EBF4: variants seen among roughly 807,000 people sequenced by gnomAD.
The protein encoded by EBF4 is transcription factor COE4.
A neutral mutation model predicts 67.1 loss-of-function variants in EBF4; 34 were observed. The ratio of observed to expected loss-of-function variants is 0.51; its 90% confidence interval spans 0.39 to 0.67. The LOEUF (loss-of-function observed/expected upper bound fraction) is 0.67, where lower values mean the gene tolerates loss of function less well. Ranked by LOEUF, EBF4 falls within the 30% of genes least tolerant of loss-of-function variation. The pLI is 0.00. For synonymous variants in EBF4, 387 were observed against 377.7 expected (o/e 1.02, Z -0.29); for missense variants, 837 against 873.3 (o/e 0.96, Z 0.52).
chr20:2,724,051 A>G (rs2087718578), intron 6 of EBF4, among the ~76,000 whole-genome samples: 1 of 152,186 alleles, frequency 6.6e-6, no homozygotes, highest in South Asian at 2.1e-4. Context: ...TTCCTGACTA[A>G]TATTACAGTT....
rs888649050 is a variant in EBF4, at chr20:2,755,667, G to A, written c.1581G>A (p.Met527Ile). ...CCCCGCTGGCGGCTGCCTCCTCCAT[G>A]TCCCTCCCGGCCGCTGCCCCCACCA... Residue 527 changes from methionine (M) to isoleucine (I), a missense_variant, in exon 15 of 17, where the codon ATG becomes ATA. Coordinates refer to ENST00000609451, the Ensembl canonical transcript of EBF4. This position sits in a 1 kb window ranked among gnomAD's most constrained non-coding sequence, Gnocchi z 4.7. 29 of 1,526,706 alleles carry A rather than the reference G, an allele frequency of 1.9e-5. No individual in the cohort carries two copies. The African/African-American group carries it at 3.9e-4, about 20-fold the overall frequency. 94.6% of individuals were successfully genotyped at this position (1,526,706 alleles called of 1,614,324 possible). A position where few individuals can be genotyped will look rare whatever the true frequency, so the allele number is the denominator to read the frequency against.
At chr20:2,749,955 G>A (rs1331352069) in exon 10 of EBF4, 6 of 1,551,006 alleles carry the variant, frequency 3.9e-6, no homozygotes, top group Non-Finnish European at 5.2e-6. Context: ...GGGATGCCCC[G>A]GCCGCTTTGT....
chr20:2,711,555 C>G (rs2087545520), intron 6 of EBF4, among the ~76,000 whole-genome samples: 1 of 152,204 alleles, frequency 6.6e-6, no homozygotes, highest in African/African-American at 2.4e-5. Context: ...GTTATACCAA[C>G]AGCATTGAAA....
intron 1 of EBF4, among the ~76,000 whole-genome samples, chr20:2,698,127 G>C (rs2087322696): frequency 6.6e-6 from 1 of 152,230 alleles, no homozygotes; most frequent in African/African-American, 2.4e-5. Flanking sequence ...CAAAAGAAGA[G>C]GGGGAGAGCA....
rs1223886719 is a variant in EBF4 at position 2,745,189 on chromosome 20, G to T, written c.558-3360G>T. Among the ~76,000 whole-genome samples the T allele has an allele frequency of 6.6e-6, 1 of 152,228 alleles. No homozygotes were observed. The highest frequency in any genetic ancestry group is 2.4e-5 in the African/African-American group (1 of 41,452). On this transcript the variant is annotated intron_variant, in intron 6 of 16. Transcript: ENST00000609451. The surrounding 1 kb of genome is among the most constrained non-coding windows in gnomAD (Gnocchi z 5.2). Reference sequence around the variant, plus strand: ...AGGGGAGGCCTGAGATTCTACACTTGTAGCAAGGTCTCAGGTGACGCTGAC... The same window carrying T: ...AGGGGAGGCCTGAGATTCTACACTTTTAGCAAGGTCTCAGGTGACGCTGAC...
intron 6 of EBF4, among the ~76,000 whole-genome samples, chr20:2,723,392 C>G (rs1255665618): frequency 6.6e-6 from 1 of 151,980 alleles, no homozygotes; most frequent in Non-Finnish European, 1.5e-5. Context: ...GCTCTGTCGC[C>G]CAGGCTGGAG....
In EBF4 at chr20:2,707,550, T is replaced by TCAG. The variant is rs2087476326; in HGVS notation, c.415-396_415-394dup. 6.6e-6 allele frequency among the ~76,000 whole-genome samples: 1 copy of TCAG among 151,690 alleles called. No homozygotes were observed. On this transcript the variant is annotated intron_variant, in intron 4 of 16. Coordinates refer to ENST00000609451, the Ensembl canonical transcript of EBF4. The surrounding 1 kb of genome is among the most constrained non-coding windows in gnomAD (Gnocchi z 4.6). ...ACTCATCAACAGAAGCAGAGGTCCGTCAGGACATGGAGGATGCACACAGGA... is the reference window on the plus strand; with the variant it reads ...ACTCATCAACAGAAGCAGAGGTCCGTCAGCAGGACATGGAGGATGCACACAGGA...
At chr20:2,737,366 C>T (rs1382652132) in intron 6 of EBF4, among the ~76,000 whole-genome samples, 1 of 152,056 alleles carries the variant, frequency 6.6e-6, no homozygotes, top group African/African-American at 2.4e-5. Context: ...GAACCGCCTG[C>T]AACTTGAATA....
At position 2,695,444 on chromosome 20, in the gene EBF4, G is replaced by A. The variant is rs542472608; in HGVS notation, c.137+1662G>A. Among the ~76,000 whole-genome samples, 19 of 152,176 alleles carry A rather than the reference G, an allele frequency of 1.2e-4. 1 individual carries two copies. The South Asian group carries it at 3.9e-3, about 32-fold the overall frequency. ...TAGTGGGGTTGAGTGGGCTTGGGGT[G>A]TCCAGTCTGACTCCCCACATTGTGA... is the stretch of plus-strand genomic sequence containing the variant. On this transcript the variant is annotated intron_variant, in intron 1 of 16. Transcript: ENST00000609451.
At chr20:2,738,666 C>T (rs2087924069) in intron 6 of EBF4, among the ~76,000 whole-genome samples, 1 of 152,094 alleles carries the variant, frequency 6.6e-6, no homozygotes, top group Admixed American at 6.5e-5. Context: ...CAGCTGGGGG[C>T]CCCTTAGCAG....
chr20:2,695,122 CTTTTT>C (rs969836812), intron 1 of EBF4, among the ~76,000 whole-genome samples: 2 of 139,924 alleles, frequency 1.4e-5, no homozygotes, highest in Non-Finnish European at 3.1e-5. Context: ...TTGGTTCTGG[CTTTTT>C]TTTTTTTCAA....
At chr20:2,752,531 C>T in exon 14 of EBF4, 1 of 1,250,762 alleles carries the variant, frequency 8.0e-7, no homozygotes, top group Non-Finnish European at 1.0e-6. Flanking sequence ...TCCACCGCCA[C>T]CTCGCCCTTC....
intron 1 of EBF4, among the ~76,000 whole-genome samples, chr20:2,700,300 T>C (rs2087355423): frequency 6.6e-6 from 1 of 152,048 alleles, no homozygotes; most frequent in African/African-American, 2.4e-5. Context: ...GGTATTTGCA[T>C]CCTTGTCCCC....
intron 6 of EBF4, among the ~76,000 whole-genome samples, chr20:2,732,380 C>T (rs113104520): frequency 0.047 from 7,158 of 152,244 alleles, 564 homozygotes; most frequent in African/African-American, 0.16. Context: ...CCTCAGCCTC[C>T]CAACATGCGG....
Position 2,707,840 on chromosome 20 carries a change from G to T in EBF4, c.415-107G>T, listed in dbSNP as rs928023676. 3 of 1,130,166 alleles carry T rather than the reference G, an allele frequency of 2.7e-6. No individual in the cohort carries two copies. The highest frequency in any genetic ancestry group is 5.4e-5 in the Admixed American group (2 of 36,974). The allele number at this position is 1,130,166 out of a possible 1,614,324, so 70.0% of individuals were successfully genotyped here. The stretch of plus-strand genomic sequence containing the variant: ...AGAGGGCGTGCTCTTCCCTGGGGCA[G>T]GGTCTCCCTGGGCCTAGGCTTGGGA... On this transcript the variant is annotated intron_variant, in intron 4 of 16. Coordinates refer to ENST00000609451, the Ensembl canonical transcript of EBF4. The surrounding 1 kb of genome is among the most constrained non-coding windows in gnomAD (Gnocchi z 4.6).
intron 6 of EBF4, among the ~76,000 whole-genome samples, chr20:2,737,090 A>T (rs35294492): frequency 0.28 from 41,421 of 150,446 alleles, 5,682 homozygotes; most frequent in South Asian, 0.35. Flanking sequence ...TCTACTAAAA[A>T]TACCAAAAAA....
intron 6 of EBF4, among the ~76,000 whole-genome samples, chr20:2,710,216 A>G (rs2087523152): frequency 6.6e-6 from 1 of 152,148 alleles, no homozygotes; most frequent in African/African-American, 2.4e-5. Flanking sequence ...TGGTGTGGTC[A>G]TGGCTCACTG....
intron 5 of EBF4, 77 bp from the exon 6 acceptor site, chr20:2,709,497 C>T (rs2087509543): frequency 1.4e-6 from 2 of 1,386,532 alleles, no homozygotes; most frequent in East Asian, 2.6e-5. Context: ...CTCAGGGCGC[C>T]CCCCACAACT....
At chr20:2,754,718 C>T (rs1261548113) in intron 14 of EBF4, among the ~76,000 whole-genome samples, 1 of 152,080 alleles carries the variant, frequency 6.6e-6, no homozygotes, top group East Asian at 1.9e-4. Context: ...AGGAGAGAGG[C>T]AGGGAATTGG....
Sources: gnomAD v4.1 joint callset for allele counts (sites outside exome capture counted in the v4.1 genomes callset) on GRCh38, gnomAD v4.1.1 for gene constraint, Gnocchi (gnomAD v3.1) non-coding constraint, MANE v1.5 for transcripts, NCBI Gene and HGNC (gene_info 2026-07-23, HGNC 2026-07-21) for gene names.